The following FAF1 variants were observed in gnomAD, a reference collection of about 807,000 sequenced individuals.
FAF1 encodes Fas associated factor 1, also known as FAS-associated factor 1.
Under a neutral mutation model 92.5 loss-of-function variants are expected in FAF1, and 25 were observed. The observed-to-expected ratio is 0.27, with a 90% CI of 0.20 to 0.38. FAF1 has a LOEUF of 0.38. Ranked by LOEUF, FAF1 falls within the 10% of genes least tolerant of loss-of-function variation. The probability of loss-of-function intolerance (pLI) is 1.00; values close to 1 mark genes in which losing one functional copy is unlikely to be tolerated. For missense variants in FAF1, 636 were observed against 793.3 expected (o/e 0.80, Z 2.38); for synonymous variants, 234 against 273.2 (o/e 0.86, Z 1.42).
intron 18 of FAF1, among the ~76,000 whole-genome samples, chr1:50,446,181 A>T (rs75442667): frequency 0.025 from 3,741 of 152,294 alleles, 168 homozygotes; most frequent in African/African-American, 0.086. Flanking sequence ...AGAGAGGTCA[A>T]GTGACTTAGC....
intron 2 of FAF1, among the ~76,000 whole-genome samples, chr1:50,837,414 T>C (rs774689512): frequency 1.3e-5 from 2 of 152,210 alleles, no homozygotes; most frequent in African/African-American, 4.8e-5. Flanking sequence ...AACTATTTTA[T>C]AGAATAACCT....
chr1:50,521,559 A>G (rs773746574), intron 15 of FAF1, among the ~76,000 whole-genome samples: 1 of 152,230 alleles, frequency 6.6e-6, no homozygotes, highest in Non-Finnish European at 1.5e-5. Flanking sequence ...TACTTTTTAA[A>G]TGTTACATAA....
intron 1 of FAF1, among the ~76,000 whole-genome samples, chr1:50,907,751 CT>C (rs1302985088): frequency 6.6e-6 from 1 of 151,956 alleles, no homozygotes; most frequent in Admixed American, 6.6e-5. Context: ...TTTATTGCAT[CT>C]ATTTGATTCT....
At position 50,932,723 on chromosome 1, in the gene FAF1, C is replaced by G. The variant is rs528796675; in HGVS notation, c.45+27044G>C. Among the ~76,000 whole-genome samples the G allele has an allele frequency of 3.3e-5, 5 of 152,340 alleles. No individual in the cohort carries two copies. The South Asian group carries it at 6.2e-4, about 19-fold the overall frequency. On this transcript the variant is annotated intron_variant, in intron 1 of 18. Coordinates refer to ENST00000396153, the MANE Select transcript of FAF1 (RefSeq NM_007051.3). Reference sequence around the variant, plus strand: ...ACTAGGCAGTGACCTAGCAGGGACTCTGTGTGGAGGCTCTGACCCCACATT... The same window carrying G: ...ACTAGGCAGTGACCTAGCAGGGACTGTGTGTGGAGGCTCTGACCCCACATT...
intron 8 of FAF1, among the ~76,000 whole-genome samples, chr1:50,652,598 T>A (rs1654915406): frequency 6.6e-6 from 1 of 152,196 alleles, no homozygotes; most frequent in African/African-American, 2.4e-5. Flanking sequence ...TGCTTTAAAC[T>A]TTTTATTATG....
intron 7 of FAF1, among the ~76,000 whole-genome samples, chr1:50,696,522 C>G (rs1482758481): frequency 6.6e-6 from 1 of 152,146 alleles, no homozygotes; most frequent in Admixed American, 6.6e-5. Context: ...TTTGCAGCAT[C>G]AAGTTTTTAG....
At chr1:50,850,454 T>C (rs976994697) in intron 2 of FAF1, among the ~76,000 whole-genome samples, 1 of 152,120 alleles carries the variant, frequency 6.6e-6, no homozygotes, top group Non-Finnish European at 1.5e-5. Flanking sequence ...TCAGAAAACC[T>C]TGGAATCTGA....
At chr1:50,671,599 A>T (rs1405966876) in intron 7 of FAF1, among the ~76,000 whole-genome samples, 1 of 152,168 alleles carries the variant, frequency 6.6e-6, no homozygotes, top group Non-Finnish European at 1.5e-5. Context: ...TTCAAACTTA[A>T]TCCCTTTTTT....
chr1:50,819,348 C>T (rs1170223696), intron 2 of FAF1, among the ~76,000 whole-genome samples: 3 of 151,382 alleles, frequency 2.0e-5, no homozygotes, highest in African/African-American at 2.4e-5. Flanking sequence ...ATTGCAGTAG[C>T]GCACGCCTGT....
chr1:50,783,401 C>T (rs960433460), intron 4 of FAF1, among the ~76,000 whole-genome samples: 11 of 152,170 alleles, frequency 7.2e-5, no homozygotes, highest in Admixed American at 2.0e-4. Flanking sequence ...AGCTATCAGA[C>T]GAAAAGAAAA....
intron 2 of FAF1, among the ~76,000 whole-genome samples, chr1:50,830,082 G>A (rs1187661461): frequency 6.6e-6 from 1 of 152,082 alleles, no homozygotes; most frequent in Non-Finnish European, 1.5e-5. Context: ...TGACCCCCAA[G>A]GTATCATTCT....
At chr1:50,681,144 T>C (rs61121387) in intron 7 of FAF1, among the ~76,000 whole-genome samples, 122 of 152,286 alleles carry the variant, frequency 8.0e-4, no homozygotes, top group African/African-American at 2.9e-3. Context: ...CCTCCCAGGT[T>C]CAAATGATTC....
At chr1:50,483,421 TTTG>T (rs1219350353) in intron 17 of FAF1, among the ~76,000 whole-genome samples, 6 of 152,118 alleles carry the variant, frequency 3.9e-5, no homozygotes, top group Non-Finnish European at 7.4e-5. Context: ...AACGTCCAAC[TTTG>T]TTTTCTTTTT....
intron 18 of FAF1, chr1:50,451,652 G>T: frequency 6.2e-6 from 1 of 161,718 alleles, no homozygotes; most frequent in Non-Finnish European, 1.3e-5. Flanking sequence ...ATAACAGAGT[G>T]TATTATTACC....
rs192132571 is a variant in FAF1, at chr1:50,690,589, A to C, written c.657+15197T>G. Reference sequence around the variant, plus strand: ...GCACTCCAGCCTGGGTGACAGAGCAAGACTGTCTCAAAAACAAACAAACAA... The same window carrying C: ...GCACTCCAGCCTGGGTGACAGAGCACGACTGTCTCAAAAACAAACAAACAA... On this transcript the variant is annotated intron_variant, in intron 7 of 18. Transcript: ENST00000396153. Among the ~76,000 whole-genome samples, 103 of 152,318 alleles carry C rather than the reference A, an allele frequency of 6.8e-4. 1 individual carries two copies. The East Asian group carries it at 0.016, about 24-fold the overall frequency.
rs57298510 is a variant in FAF1 at position 50,879,256 on chromosome 1, A to AAATGAATG, written c.46-21267_46-21260dup. 1.1e-3 allele frequency among the ~76,000 whole-genome samples: 169 copies of AAATGAATG among 151,186 alleles called. 1 individual carries two copies. The highest frequency in any genetic ancestry group is 8.4e-3 in the East Asian group (43 of 5,130). On this transcript the variant is annotated intron_variant, in intron 1 of 18. Transcript: ENST00000396153. ...CGAGACCTTGTTTCAAAAAATAAAC[A>AAATGAATG]AATGAATGAATGAATGAATGAATGA...
chr1:50,633,131 C>A (rs532827285), intron 8 of FAF1, among the ~76,000 whole-genome samples: 1 of 152,244 alleles, frequency 6.6e-6, no homozygotes, highest in South Asian at 2.1e-4. Flanking sequence ...AAAATGGTAA[C>A]AGAACTGAAA....
intron 10 of FAF1, among the ~76,000 whole-genome samples, chr1:50,584,306 A>G (rs1401193279): frequency 6.6e-6 from 1 of 152,134 alleles, no homozygotes; most frequent in Non-Finnish European, 1.5e-5. Flanking sequence ...ACCGTTGAAT[A>G]GAAAAGTAAC....
chr1:50,518,443 CT>C (rs747169544), intron 15 of FAF1, among the ~76,000 whole-genome samples: 1,946 of 140,710 alleles, frequency 0.014, 25 homozygotes, highest in African/African-American at 0.037. Context: ...AAGTTTCTTT[CT>C]TTTTTTTTTT....
Sources: gnomAD v4.1 joint callset for allele counts (sites outside exome capture counted in the v4.1 genomes callset) on GRCh38, gnomAD v4.1.1 for gene constraint, MANE v1.5 for transcripts, NCBI Gene and HGNC (gene_info 2026-07-23, HGNC 2026-07-21) for gene names.